MAGI1: variants seen among roughly 807,000 people sequenced by gnomAD.
The protein encoded by MAGI1 is membrane-associated guanylate kinase, WW and PDZ domain-containing protein 1.
MAGI1 carries 58 observed loss-of-function variants against 139.9 expected under a neutral mutation model. The observed-to-expected ratio is 0.41, with a 90% CI of 0.34 to 0.52. The LOEUF (loss-of-function observed/expected upper bound fraction) is 0.52. Among genes scored for constraint, MAGI1 ranks in the 20% least tolerant of loss-of-function variants. The probability of loss-of-function intolerance (pLI) is 0.12; values close to 1 mark genes in which losing one functional copy is unlikely to be tolerated. For synonymous variants in MAGI1, 812 were observed against 737.9 expected, an observed-to-expected ratio of 1.10 and a Z score of -1.63; for missense variants, 1,874 against 1,901.6, an observed-to-expected ratio of 0.99 and a Z score of 0.27.
At chr3:65,803,965 A>C (rs2040678995) in intron 1 of MAGI1, among the ~76,000 whole-genome samples, 1 of 152,254 alleles carries the variant, frequency 6.6e-6, no homozygotes, top group African/African-American at 2.4e-5. Context: ...ACCAAGATTC[A>C]GGAAGACTCC....
At chr3:65,894,394 T>C (rs1277980674) in intron 1 of MAGI1, among the ~76,000 whole-genome samples, 1 of 152,168 alleles carries the variant, frequency 6.6e-6, no homozygotes, top group African/African-American at 2.4e-5. Flanking sequence ...AGTTGTTCCT[T>C]GGTGAAAGCT....
chr3:65,401,570 C>T, intron 12 of MAGI1, 100 bp from the exon 13 acceptor site: 1 of 1,557,198 alleles, frequency 6.4e-7, no homozygotes, highest in African/African-American at 1.4e-5. Flanking sequence ...CCATGGCAAC[C>T]TAGCCATCTG....
chr3:65,543,130 T>C (rs1030297800), intron 2 of MAGI1, among the ~76,000 whole-genome samples: 4 of 151,836 alleles, frequency 2.6e-5, no homozygotes, highest in East Asian at 1.9e-4. Context: ...AAGACATTTA[T>C]GTGGCCAAGA....
intron 2 of MAGI1, among the ~76,000 whole-genome samples, chr3:65,563,610 CAT>C (rs761781556): frequency 3.3e-5 from 5 of 152,198 alleles, no homozygotes; most frequent in Non-Finnish European, 7.3e-5. Flanking sequence ...ACTGACCTGA[CAT>C]GTGAGTGAGA....
intron 1 of MAGI1, among the ~76,000 whole-genome samples, chr3:66,018,850 G>T (rs2107541202): frequency 6.6e-6 from 1 of 152,280 alleles, no homozygotes; most frequent in Non-Finnish European, 1.5e-5. Context: ...CTGGCTGTCT[G>T]ATCACCTCTC....
At chr3:65,714,814 A>C (rs2032013538) in intron 1 of MAGI1, among the ~76,000 whole-genome samples, 1 of 152,028 alleles carries the variant, frequency 6.6e-6, no homozygotes, top group African/African-American at 2.4e-5. Flanking sequence ...ACCCCCCACA[A>C]CACCAATTTA....
At chr3:65,888,254 T>C (rs777852890) in intron 1 of MAGI1, among the ~76,000 whole-genome samples, 17 of 152,314 alleles carry the variant, frequency 1.1e-4, no homozygotes, top group Middle Eastern at 3.4e-3. Context: ...AGAAGCCATA[T>C]GAAGCATCAG....
chr3:65,787,786 G>C (rs17073795), intron 1 of MAGI1, among the ~76,000 whole-genome samples: 1 of 151,982 alleles, frequency 6.6e-6, no homozygotes, highest in Admixed American at 6.6e-5. Context: ...TGAATGTTAG[G>C]AGCCGTTAAA....
At chr3:65,978,766 T>G (rs2107248199) in intron 1 of MAGI1, among the ~76,000 whole-genome samples, 1 of 152,166 alleles carries the variant, frequency 6.6e-6, no homozygotes. Context: ...TAGCTGGGAT[T>G]ACAGGCATGC....
intron 2 of MAGI1, among the ~76,000 whole-genome samples, chr3:65,505,114 G>A (rs946532300): frequency 6.6e-6 from 1 of 152,166 alleles, no homozygotes; most frequent in African/African-American, 2.4e-5. Context: ...AGTTGTCTAT[G>A]AGAAAAGGGG....
chr3:65,831,182 C>T (rs2042505093), intron 1 of MAGI1, among the ~76,000 whole-genome samples: 1 of 152,182 alleles, frequency 6.6e-6, no homozygotes, highest in African/African-American at 2.4e-5. Context: ...GAAACCAGCA[C>T]ATTACTCTGC....
At chr3:66,034,996 A>G (rs977738995) in intron 1 of MAGI1, among the ~76,000 whole-genome samples, 2 of 152,242 alleles carry the variant, frequency 1.3e-5, no homozygotes, top group African/African-American at 4.8e-5. Context: ...GAGTGCATAC[A>G]TCGCTTAAAA....
At chr3:65,950,533 T>A (rs1263738340) in intron 1 of MAGI1, among the ~76,000 whole-genome samples, 2 of 152,204 alleles carry the variant, frequency 1.3e-5, no homozygotes, top group Admixed American at 1.3e-4. Context: ...TCACCCTCTC[T>A]AGAAAACACT....
At chr3:65,680,818 C>A (rs1230440924) in intron 1 of MAGI1, among the ~76,000 whole-genome samples, 3 of 127,334 alleles carry the variant, frequency 2.4e-5, no homozygotes, top group Non-Finnish European at 1.7e-5. Context: ...TTATTAAAAT[C>A]ATAATAATGA....
intron 1 of MAGI1, among the ~76,000 whole-genome samples, chr3:65,629,585 T>C (rs1316839725): frequency 2.0e-5 from 3 of 151,102 alleles, no homozygotes; most frequent in Non-Finnish European, 4.4e-5. Flanking sequence ...ATCCATCAGT[T>C]CAGCACTTCA....
chr3:66,016,292 C>T (rs190243991), intron 1 of MAGI1, among the ~76,000 whole-genome samples: 1 of 152,224 alleles, frequency 6.6e-6, no homozygotes, highest in Non-Finnish European at 1.5e-5. Flanking sequence ...AAGATATGTG[C>T]TCTTATTACT....
At chr3:65,470,183 C>T in intron 5 of MAGI1, 100 bp downstream of exon 5, 1 of 749,060 alleles carries the variant, frequency 1.3e-6, no homozygotes, top group Non-Finnish European at 2.2e-6. Context: ...AGTGGGTGAT[C>T]AATCCCTTAA....
At chr3:65,838,220 G>T (rs2058692233) in intron 1 of MAGI1, among the ~76,000 whole-genome samples, 1 of 152,158 alleles carries the variant, frequency 6.6e-6, no homozygotes, top group Non-Finnish European at 1.5e-5. Context: ...GCTGAGGCAG[G>T]AGAATCACTT....
At chr3:65,842,545 G>C (rs1222840871) in intron 1 of MAGI1, among the ~76,000 whole-genome samples, 1 of 152,008 alleles carries the variant, frequency 6.6e-6, no homozygotes, top group Non-Finnish European at 1.5e-5. Context: ...ATTTTTAGTA[G>C]AGACAGGGTT....
Sources: allele counts gnomAD v4.1 joint callset (sites outside exome capture counted in the v4.1 genomes callset), GRCh38; gene constraint gnomAD v4.1.1; transcripts MANE v1.5; gene names NCBI Gene and HGNC (gene_info 2026-07-23, HGNC 2026-07-21).